EYA1: variants seen among roughly 807,000 people sequenced by gnomAD.
EYA1 encodes the protein EYA transcriptional coactivator and phosphatase 1.
In EYA1, 16 loss-of-function variants were observed where a neutral mutation model predicts 82.0. The observed-to-expected ratio is 0.20, with a 90% confidence interval of 0.13 to 0.30. The LOEUF (loss-of-function observed/expected upper bound fraction) is 0.30. EYA1 is among the 10% of genes least tolerant of loss of function. EYA1 has a pLI of 1.00. For missense variants in EYA1, 633 were observed against 730.7 expected (o/e 0.87, Z 1.54); for synonymous variants, 261 against 264.4 (o/e 0.99, Z 0.12).
At chr8:71,321,696 A>C (rs1822567434) in intron 6 of EYA1, 38 bp downstream of exon 6, 2 of 1,610,436 alleles carry the variant, frequency 1.2e-6, no homozygotes, top group Non-Finnish European at 1.7e-6. Context: ...ACGCATGCCC[A>C]TGCGATAACG....
chr8:71,526,917 C>A (rs1813859285), intron 2 of EYA1, among the ~76,000 whole-genome samples: 1 of 152,194 alleles, frequency 6.6e-6, no homozygotes, highest in South Asian at 2.1e-4. Context: ...AAAATCACCA[C>A]AAACACATCC....
chr8:71,403,801 A>G (rs753109648), intron 2 of EYA1: 1 of 152,168 alleles, frequency 6.6e-6, no homozygotes, highest in Non-Finnish European at 1.5e-5. Flanking sequence ...CTTACAAATA[A>G]TAGCTATGTT....
chr8:71,494,022 C>CAAAA (rs34340467), intron 2 of EYA1, among the ~76,000 whole-genome samples: 2,697 of 41,734 alleles, frequency 0.065, 316 homozygotes, highest in Middle Eastern at 0.12. Context: ...GACTCCGTCT[C>CAAAA]AAAAAAAAAA....
chr8:71,360,776 G>A (rs890326385), intron 1 of EYA1, among the ~76,000 whole-genome samples: 3 of 152,070 alleles, frequency 2.0e-5, no homozygotes, highest in South Asian at 4.1e-4. Context: ...GCTTACTATC[G>A]ACCTTTTGTA....
chr8:71,519,530 C>T (rs1813231545), intron 2 of EYA1, among the ~76,000 whole-genome samples: 1 of 151,996 alleles, frequency 6.6e-6, no homozygotes, highest in South Asian at 2.1e-4. Context: ...ATTTTGCCAG[C>T]AATCTAGGCT....
At chr8:71,398,747 A>C (rs763828124) in intron 2 of EYA1, among the ~76,000 whole-genome samples, 1 of 152,180 alleles carries the variant, frequency 6.6e-6, no homozygotes, top group Non-Finnish European at 1.5e-5. Context: ...GGGGTCAGGG[A>C]CCCACTTGAG....
At chr8:71,466,562 T>G (rs922620602) in intron 2 of EYA1, among the ~76,000 whole-genome samples, 2 of 152,148 alleles carry the variant, frequency 1.3e-5, no homozygotes, top group Non-Finnish European at 2.9e-5. Flanking sequence ...AGCATGTACA[T>G]AGTTTTATGT....
intron 12 of EYA1, among the ~76,000 whole-genome samples, chr8:71,239,328 C>T (rs1359548826): frequency 3.3e-5 from 5 of 152,100 alleles, no homozygotes; most frequent in Non-Finnish European, 7.4e-5. Context: ...GAACAACCTA[C>T]CTGAAAACAC....
chr8:71,236,495 TTTTAA>T (rs1202610366), intron 12 of EYA1, among the ~76,000 whole-genome samples: 6 of 152,190 alleles, frequency 3.9e-5, no homozygotes, highest in East Asian at 1.9e-4. Flanking sequence ...TGAGGATGTA[TTTTAA>T]TTTATTTCAT....
rs548842298 is a variant in EYA1, at chr8:71,271,058, C to T, written c.966+700G>A. On this transcript the variant is annotated intron_variant, in intron 10 of 17. Coordinates refer to ENST00000340726, the MANE Select transcript of EYA1 (RefSeq NM_000503.6). ...CCGGGAGGCAGAGGTTGCAGTGAGC[C>T]GAGATCACGCCATTGCACTCTACGC... 7.0e-4 allele frequency among the ~76,000 whole-genome samples: 107 copies of T among 152,218 alleles called. 1 individual carries two copies. Among genetic ancestry groups the T allele is most frequent in the African/African-American group, 2.5e-3 (102 of 41,520 alleles).
intron 9 of EYA1, among the ~76,000 whole-genome samples, chr8:71,292,331 GAAA>G (rs948557903): frequency 6.6e-6 from 1 of 151,680 alleles, no homozygotes; most frequent in South Asian, 2.1e-4. Context: ...TTTGATCATA[GAAA>G]AAAAATCATT....
chr8:71,224,512 G>A (rs1185604031), intron 12 of EYA1, among the ~76,000 whole-genome samples: 1 of 152,166 alleles, frequency 6.6e-6, no homozygotes, highest in Non-Finnish European at 1.5e-5. Context: ...TCCCTATTGA[G>A]CAATTTAGAT....
chr8:71,239,772 T>G (rs1185214224), intron 12 of EYA1, among the ~76,000 whole-genome samples: 1 of 152,216 alleles, frequency 6.6e-6, no homozygotes, highest in Non-Finnish European at 1.5e-5. Context: ...ACCAGAGCTC[T>G]AGCATCCACA....
At chr8:71,288,739 G>A (rs1818671398) in intron 9 of EYA1, among the ~76,000 whole-genome samples, 1 of 152,138 alleles carries the variant, frequency 6.6e-6, no homozygotes, top group Non-Finnish European at 1.5e-5. Flanking sequence ...ACCAATTCAT[G>A]CTTACCTAAT....
chr8:71,257,383 A>G (rs550477263), intron 11 of EYA1, among the ~76,000 whole-genome samples: 2 of 152,358 alleles, frequency 1.3e-5, no homozygotes, highest in East Asian at 3.9e-4. Flanking sequence ...AAAAAAATAT[A>G]AAAATATTCA....
chr8:71,493,818 T>C (rs1811197769), intron 2 of EYA1, among the ~76,000 whole-genome samples: 1 of 149,870 alleles, frequency 6.7e-6, no homozygotes, highest in Non-Finnish European at 1.5e-5. Context: ...GGTCAGGAGA[T>C]CGAGACCATC....
In EYA1 at chr8:71,271,550, T is replaced by A. The variant is rs150910075; in HGVS notation, c.966+208A>T. ...GAGAAACAGACCCTTTGCCATATAG[T>A]TCATAGGGAAGAAAAAACAAATTAT... On this transcript the variant is annotated intron_variant, in intron 10 of 17. Transcript: ENST00000340726. 8.5e-5 allele frequency among the ~76,000 whole-genome samples: 13 copies of A among 152,348 alleles called. No homozygotes were observed. In the East Asian group the frequency reaches 2.5e-3, roughly 29 times the overall value.
intron 2 of EYA1, among the ~76,000 whole-genome samples, chr8:71,405,502 C>A (rs936633807): frequency 3.3e-5 from 5 of 152,120 alleles, no homozygotes; most frequent in Non-Finnish European, 7.3e-5. Context: ...ATGTAAGGCC[C>A]TTGATTATAG....
chr8:71,514,173 T>C (rs954997648), intron 2 of EYA1, among the ~76,000 whole-genome samples: 1 of 152,134 alleles, frequency 6.6e-6, no homozygotes, highest in African/African-American at 2.4e-5. Context: ...CTGGATCCTA[T>C]GGGAGCTCTA....
Sources: gnomAD v4.1 joint callset for allele counts (sites outside exome capture counted in the v4.1 genomes callset) on GRCh38, gnomAD v4.1.1 for gene constraint, MANE v1.5 for transcripts, NCBI Gene and HGNC (gene_info 2026-07-23, HGNC 2026-07-21) for gene names.